The following CCDC78 variants were observed in gnomAD, a reference collection of about 807,000 sequenced individuals.
CCDC78 encodes coiled-coil domain containing 78, also known as coiled-coil domain-containing protein 78.
A neutral mutation model predicts 61.9 loss-of-function variants in CCDC78; 78 were observed. The observed-to-expected ratio is 1.26, with a 90% CI of 1.05 to 1.52. The LOEUF (loss-of-function observed/expected upper bound fraction) is 1.52, where lower values mean the gene tolerates loss of function less well. CCDC78 is among the 40% of genes most tolerant of loss of function. The probability of loss-of-function intolerance (pLI) is 0.00; values close to 1 mark genes in which losing one functional copy is unlikely to be tolerated. For synonymous variants in CCDC78, 287 were observed against 251.9 expected, an observed-to-expected ratio of 1.14 and a Z score of -1.32; for missense variants, 737 against 615.5, an observed-to-expected ratio of 1.20 and a Z score of -2.09.
At position 722,600 on chromosome 16, in the gene CCDC78, A is replaced by G. The variant is rs180696429; in HGVS notation, c.*78T>C. On this transcript the variant is annotated 3_prime_UTR_variant, in exon 14 of 14. Transcript: ENST00000345165. Reference sequence around the variant, plus strand: ...GACTCTGTGGGTTCTATCCTGACTCATGTTTTATGGGGGGCTGGGTGGGAG... The same window carrying G: ...GACTCTGTGGGTTCTATCCTGACTCGTGTTTTATGGGGGGCTGGGTGGGAG... The G allele has an allele frequency of 4.4e-6, 2 of 452,874 alleles. No individual in the cohort carries two copies. Among genetic ancestry groups the G allele is most frequent in the Non-Finnish European group, 8.5e-6 (2 of 234,978 alleles). The allele number at this position is 452,874 out of a possible 1,614,324, so 28.1% of individuals were successfully genotyped here.
chr16:725,779 C>A lies in CCDC78; in HGVS notation c.267+15G>T. ...CGTCCCCCATGCACTGAGGCTGGTT[C>A]ACACGGCTGCTCACCTCACTCTTCA... is the stretch of plus-strand genomic sequence containing the variant. On this transcript the variant is annotated intron_variant, in intron 3 of 13. Coordinates refer to ENST00000345165, the MANE Select transcript of CCDC78 (RefSeq NM_001378030.1). The A allele has an allele frequency of 6.3e-7, 1 of 1,597,780 alleles. No individual in the cohort carries two copies. The highest frequency in any genetic ancestry group is 1.1e-5 in the South Asian group (1 of 89,032).
chr16:722,973 G>A lies in CCDC78; in HGVS notation c.1250C>T (p.Ala417Val), dbSNP rs2040362867. 1.2e-6 allele frequency: 2 copies of A among 1,612,310 alleles called. No homozygotes were observed. The highest frequency in any genetic ancestry group is 1.3e-5 in the African/African-American group (1 of 74,944). Residue 417 changes from alanine to valine, a missense_variant, in exon 13 of 14, where the codon GCT (alanine) becomes GTT (valine). Coordinates refer to ENST00000345165, the MANE Select transcript of CCDC78 (RefSeq NM_001378030.1). ...CTGTAGCTCAGAAAGTTGCTCTTCAGCCATCGTGGCCCGGACCAGCAGCTG... is the reference window on the plus strand; with the variant it reads ...CTGTAGCTCAGAAAGTTGCTCTTCAACCATCGTGGCCCGGACCAGCAGCTG... ...RAQLLVRATM[A>V]EEQLSELQEY...
intron 10 of CCDC78, 29 bp downstream of exon 10, chr16:724,077 C>T (rs2040573214): frequency 4.5e-6 from 7 of 1,570,834 alleles, no homozygotes; most frequent in East Asian, 4.5e-5. Flanking sequence ...GCACCCGGGC[C>T]TGGAGCTTCT....
Position 723,937 on chromosome 16 carries a change from C to T in CCDC78, c.1054-1G>A. 6.2e-7 allele frequency: 1 copy of T among 1,603,206 alleles called. No homozygotes were observed. Among genetic ancestry groups the T allele is most frequent in the Non-Finnish European group, 8.5e-7 (1 of 1,174,718 alleles). On this transcript the variant is annotated splice_acceptor_variant, in intron 10 of 13. Transcript: ENST00000345165. LOFTEE classifies it high-confidence loss of function. ...AGAGCAGTGCCCCAGGCCCGCCGTGCTACAGAGGTTTGTGGTGGGGACGTT... is the reference window on the plus strand; with the variant it reads ...AGAGCAGTGCCCCAGGCCCGCCGTGTTACAGAGGTTTGTGGTGGGGACGTT...
Position 724,824 on chromosome 16 carries a change from C to G in CCDC78, c.640-18G>C. ...CACAGCACCTGGGGTGGAAGCAGCCCTCCACCTGTGCCCTGAGAGTGGACC... is the reference window on the plus strand; with the variant it reads ...CACAGCACCTGGGGTGGAAGCAGCCGTCCACCTGTGCCCTGAGAGTGGACC... On this transcript the variant is annotated intron_variant, in intron 7 of 13. Coordinates refer to ENST00000345165, the MANE Select transcript of CCDC78 (RefSeq NM_001378030.1). 6.2e-7 allele frequency: 1 copy of G among 1,611,454 alleles called. No homozygotes were observed. The highest frequency in any genetic ancestry group is 8.5e-7 in the Non-Finnish European group (1 of 1,179,646).
rs2040543482 is a variant in CCDC78 at position 723,933 on chromosome 16, C to CGT, written c.1055_1056dup (p.Gly353ThrfsTer89). On this transcript the variant is annotated frameshift_variant, in exon 11 of 14. Coordinates refer to ENST00000345165, the MANE Select transcript of CCDC78 (RefSeq NM_001378030.1). LOFTEE classifies it high-confidence loss of function. ...GATGAGAGCAGTGCCCCAGGCCCGC[C>CGT]GTGCTACAGAGGTTTGTGGTGGGGA... 6.2e-7 allele frequency: 1 copy of CGT among 1,602,186 alleles called. No individual in the cohort carries two copies. The highest frequency in any genetic ancestry group is 1.1e-5 in the South Asian group (1 of 89,568).
At position 724,437 on chromosome 16, in the gene CCDC78, C is replaced by T. The variant is rs1391641251; in HGVS notation, c.838G>A (p.Asp280Asn). 1 of 1,606,464 alleles carries T rather than the reference C, an allele frequency of 6.2e-7. No homozygotes were observed. The highest frequency in any genetic ancestry group is 8.5e-7 in the Non-Finnish European group (1 of 1,179,870). The change falls in exon 9 of 14, where the codon GAC becomes AAC. Residue 280 changes from aspartate to asparagine, a missense_variant. Asp to Asn is a conservative substitution (Grantham distance 23). Transcript: ENST00000345165. ...CGGCTGCGGTGCGCTGCCCGGATGT[C>T]CTCCAGAGTCGCCTCCAGGAATGTC... ...LRTFLEATLE[D>N]IRAAHRSREQ...
intron 13 of CCDC78, 24 bp from the exon 14 acceptor site, chr16:722,813 G>A (rs755855095): frequency 6.2e-7 from 1 of 1,611,966 alleles, no homozygotes; most frequent in African/African-American, 1.3e-5. Context: ...CCATGCTTAA[G>A]TGACTTGCCC....
At chr16:723,253 C>A (rs570669040) in intron 11 of CCDC78, 92 bp from the exon 12 acceptor site, 1 of 1,349,500 alleles carries the variant, frequency 7.4e-7, no homozygotes. Flanking sequence ...TTCCCAGAGC[C>A]GGGAGGGGAC....
Position 725,977 on chromosome 16 carries a change from G to C in CCDC78, c.169C>G (p.Gln57Glu). 6.4e-7 allele frequency: 1 copy of C among 1,553,818 alleles called. No individual in the cohort carries two copies. The highest frequency in any genetic ancestry group is 1.4e-5 in the African/African-American group (1 of 73,368). ...GGCCCCACACCCACCTGCAGCTGCT[G>C]CTCCTTATTGAGCGCTAGATCTGGT... The part of the protein sequence containing the change: ...VPPDLALNKE[Q>E]QLQISKELVD... The change falls in exon 2 of 14, where the codon CAG becomes GAG. Residue 57 changes from glutamine to glutamate, a missense_variant. Transcript: ENST00000345165.
At chr16:725,172 T>G in intron 5 of CCDC78, 27 bp from the exon 6 acceptor site, 4 of 1,612,462 alleles carry the variant, frequency 2.5e-6, no homozygotes, top group Non-Finnish European at 3.4e-6. Context: ...GCTGGCTGGA[T>G]GAGACCCTAG....
At position 723,882 on chromosome 16, in the gene CCDC78, A is replaced by G; in HGVS notation, c.1108T>C (p.Ser370Pro). Reference protein sequence around the residue: ...SSPKKRPGGASQGGTSEPQGL... With the variant: ...SSPKKRPGGAPQGGTSEPQGL... ...TGTGGCTCTGATGTTCCCCCCTGGG[A>G]GGCTCCACCGGGTCTCTTTTTTGGG... is the stretch of plus-strand genomic sequence containing the variant. The change falls in exon 11 of 14, where the codon TCC becomes CCC. Residue 370 changes from serine to proline, a missense_variant. Coordinates refer to ENST00000345165, the MANE Select transcript of CCDC78 (RefSeq NM_001378030.1). 1 of 1,597,352 alleles carries G rather than the reference A, an allele frequency of 6.3e-7. No homozygotes were observed. Among genetic ancestry groups the G allele is most frequent in the Non-Finnish European group, 8.5e-7 (1 of 1,172,308 alleles).
chr16:726,477 G>T, upstream of CCDC78: 1 of 1,365,610 alleles, frequency 7.3e-7, no homozygotes, highest in Non-Finnish European at 9.8e-7. Context: ...GGCCTCTGTT[G>T]GTCCCAGGTG....
At chr16:723,444 C>T (rs1413423947) in intron 11 of CCDC78, 1 of 692,816 alleles carries the variant, frequency 1.4e-6, no homozygotes. Flanking sequence ...GGATGCCACC[C>T]CCACACGGGT....
chr16:725,722 A>G (rs1040775817), intron 3 of CCDC78, 72 bp downstream of exon 3: 14 of 1,574,476 alleles, frequency 8.9e-6, no homozygotes, highest in East Asian at 2.3e-5. Flanking sequence ...GTGCATGCCC[A>G]TGCAGGGCAC....
Position 722,676 on chromosome 16 carries a change from G to A in CCDC78, c.*2C>T. On this transcript the variant is annotated 3_prime_UTR_variant, in exon 14 of 14. Transcript: ENST00000345165. ...GCTCTGCTCTGCTCCTTGGGAGACGGCCTAGTGGCTGCCGGTCCTTGGATG... is the reference window on the plus strand; with the variant it reads ...GCTCTGCTCTGCTCCTTGGGAGACGACCTAGTGGCTGCCGGTCCTTGGATG... 1 of 1,604,416 alleles carries A rather than the reference G, an allele frequency of 6.2e-7. No homozygotes were observed. Among genetic ancestry groups the A allele is most frequent in the Non-Finnish European group, 8.5e-7 (1 of 1,179,742 alleles).
chr16:725,670 A>G, intron 3 of CCDC78, 90 bp from the exon 4 acceptor site: 1 of 1,577,796 alleles, frequency 6.3e-7, no homozygotes, highest in South Asian at 1.1e-5. Flanking sequence ...AGGGGCGCGC[A>G]GCACTCAGAG....
chr16:723,136 G>C lies in CCDC78; in HGVS notation c.1159C>G (p.Gln387Glu). 1 of 1,612,658 alleles carries C rather than the reference G, an allele frequency of 6.2e-7. No individual in the cohort carries two copies. The highest frequency in any genetic ancestry group is 8.5e-7 in the Non-Finnish European group (1 of 1,179,996). The change falls in exon 12 of 14, where the codon CAG becomes GAG. Residue 387 changes from glutamine (Q) to glutamate (E), a missense_variant. Physicochemically the swap from Gln to Glu is conservative, Grantham distance 29. Coordinates refer to ENST00000345165, the MANE Select transcript of CCDC78 (RefSeq NM_001378030.1). ...AAGTCCCGGAGCTTCTGGTGGATCT[G>C]GGCCCAGGATGCAGCGTCCAGGCCC... ...PQGLDAASWA[Q>E]IHQKLRDFSR... is the part of the protein sequence containing the mutation.
chr16:726,479 T>C (rs1469962946), upstream of CCDC78: 2 of 1,361,908 alleles, frequency 1.5e-6, no homozygotes, highest in Non-Finnish European at 2.0e-6. Context: ...CCTCTGTTGG[T>C]CCCAGGTGAC....
Sources: allele counts gnomAD v4.1 joint callset, GRCh38; gene constraint gnomAD v4.1.1; transcripts MANE v1.5; gene names NCBI Gene and HGNC (gene_info 2026-07-23, HGNC 2026-07-21).